The following CERS6 variants were observed in gnomAD, a reference collection of about 807,000 sequenced individuals.
CERS6 encodes the protein LAG1 homolog, ceramide synthase 6.
CERS6 carries 26 observed loss-of-function variants against 56.8 expected under a neutral mutation model. The ratio of observed to expected loss-of-function variants is 0.46; its 90% CI spans 0.34 to 0.63. The LOEUF is 0.63. Among genes scored for constraint, CERS6 ranks in the 30% least tolerant of loss-of-function variants. The probability of loss-of-function intolerance (pLI) is 0.01; values close to 1 mark genes in which losing one functional copy is unlikely to be tolerated. For missense variants in CERS6, 415 were observed against 467.5 expected, an observed-to-expected ratio of 0.89 and a Z score of 1.04; for synonymous variants, 164 against 173.3, an observed-to-expected ratio of 0.95 and a Z score of 0.42.
intron 1 of CERS6, among the ~76,000 whole-genome samples, chr2:168,497,227 AAC>A (rs374253120): frequency 1.2e-3 from 189 of 152,316 alleles, no homozygotes; most frequent in African/African-American, 4.4e-3. Context: ...ATGTGTTAGA[AAC>A]AGTTTTGTCT....
intron 4 of CERS6, among the ~76,000 whole-genome samples, chr2:168,656,950 CT>C (rs1406472428): frequency 2.0e-4 from 30 of 152,136 alleles, no homozygotes; most frequent in Admixed American, 1.9e-3. Context: ...TCTCCAAGGC[CT>C]CACCAGAGCA....
intron 3 of CERS6, among the ~76,000 whole-genome samples, chr2:168,585,573 A>G (rs543560432): frequency 2.0e-5 from 3 of 152,242 alleles, no homozygotes; most frequent in Non-Finnish European, 2.9e-5. Flanking sequence ...CAGGTCATAT[A>G]GGGAAAGGTC....
chr2:168,589,327 G>C (rs1287291811), intron 3 of CERS6, among the ~76,000 whole-genome samples: 1 of 151,990 alleles, frequency 6.6e-6, no homozygotes, highest in Non-Finnish European at 1.5e-5. Context: ...TAAATTATAA[G>C]AGGTAGATAG....
chr2:168,732,429 C>T (rs1052990480), intron 8 of CERS6, among the ~76,000 whole-genome samples: 2 of 152,104 alleles, frequency 1.3e-5, no homozygotes, highest in Non-Finnish European at 2.9e-5. Flanking sequence ...CATAAATGGC[C>T]CTCCCCAGAC....
intron 8 of CERS6, among the ~76,000 whole-genome samples, chr2:168,741,318 T>A (rs1028905632): frequency 6.7e-6 from 1 of 149,036 alleles, no homozygotes; most frequent in Non-Finnish European, 1.5e-5. Context: ...AGTTGCCTCA[T>A]AAATATCCAA....
chr2:168,529,748 CTATT>C (rs1695133592), intron 1 of CERS6, among the ~76,000 whole-genome samples: 1 of 152,164 alleles, frequency 6.6e-6, no homozygotes, highest in South Asian at 2.1e-4. Context: ...ATGATAATAT[CTATT>C]TGCTTATTCC....
rs1684808500 is a variant in CERS6 at position 168,769,450 on chromosome 2, C to T, written c.1003-60C>T. The T allele has an allele frequency of 5.6e-6, 8 of 1,433,730 alleles. 1 individual carries two copies. The South Asian group carries it at 1.0e-4, about 18-fold the overall frequency. 88.8% of individuals were successfully genotyped at this position (1,433,730 alleles called of 1,614,324 possible). A position where few individuals can be genotyped will look rare whatever the true frequency, so the allele number is the denominator to read the frequency against. ...TGTGTATGACTGCATGTGCTTCTAG[C>T]ATGCCATACCTTGATGATTTCTTAG... On this transcript the variant is annotated intron_variant, in intron 9 of 9. Coordinates refer to ENST00000305747, the MANE Select transcript of CERS6 (RefSeq NM_203463.3).
chr2:168,759,308 C>CTGTA (rs1684500572), intron 8 of CERS6, among the ~76,000 whole-genome samples: 1 of 152,124 alleles, frequency 6.6e-6, no homozygotes, highest in Non-Finnish European at 1.5e-5. Flanking sequence ...GGGGTATAAC[C>CTGTA]TGTAGATCAA....
At chr2:168,647,690 A>G (rs980695750) in intron 4 of CERS6, among the ~76,000 whole-genome samples, 1 of 152,162 alleles carries the variant, frequency 6.6e-6, no homozygotes, top group Admixed American at 6.5e-5. Flanking sequence ...TGTTCTTTCA[A>G]TACCTAGTTT....
chr2:168,511,950 G>GCACACACA (rs10568314), intron 1 of CERS6, among the ~76,000 whole-genome samples: 8 of 148,540 alleles, frequency 5.4e-5, no homozygotes, highest in Non-Finnish European at 1.0e-4. Flanking sequence ...GCATGCACGT[G>GCACACACA]CACACACACA....
At chr2:168,578,905 A>G (rs1471117621) in intron 3 of CERS6, among the ~76,000 whole-genome samples, 1 of 152,206 alleles carries the variant, frequency 6.6e-6, no homozygotes, top group East Asian at 1.9e-4. Flanking sequence ...TCTGTTTACA[A>G]GATATGATTT....
chr2:168,725,538 A>G (rs947207304), intron 8 of CERS6, among the ~76,000 whole-genome samples: 2 of 152,288 alleles, frequency 1.3e-5, no homozygotes, highest in Admixed American at 6.5e-5. Flanking sequence ...CACTGTTGAT[A>G]CAATTAACAA....
chr2:168,688,221 T>C (rs1686405058), intron 4 of CERS6, among the ~76,000 whole-genome samples: 1 of 152,180 alleles, frequency 6.6e-6, no homozygotes, highest in African/African-American at 2.4e-5. Flanking sequence ...ATTTCATCTT[T>C]TTAAGTTCTT....
rs929296717 is a variant in CERS6, at chr2:168,577,455, T to C, written c.407+16133T>C. 5.3e-5 allele frequency among the ~76,000 whole-genome samples: 8 copies of C among 152,172 alleles called. 1 individual carries two copies. In the South Asian group the frequency reaches 1.2e-3, roughly 24 times the overall value. ...AAAAGAGAGGTCCAGAAAAAGAGAATAGTCATTAGAGGAGGAATTTGGGGT... is the reference window on the plus strand; with the variant it reads ...AAAAGAGAGGTCCAGAAAAAGAGAACAGTCATTAGAGGAGGAATTTGGGGT... On this transcript the variant is annotated intron_variant, in intron 3 of 9. Coordinates refer to ENST00000305747, the MANE Select transcript of CERS6 (RefSeq NM_203463.3).
intron 1 of CERS6, among the ~76,000 whole-genome samples, chr2:168,471,545 A>G (rs1188487323): frequency 6.6e-6 from 1 of 152,216 alleles, no homozygotes; most frequent in East Asian, 1.9e-4. Flanking sequence ...ATTTGGTTCC[A>G]CAATTTAAAA....
chr2:168,767,245 G>A lies in CERS6; in HGVS notation c.1002+1497G>A, dbSNP rs1284603998. On this transcript the variant is annotated intron_variant, in intron 9 of 9. Transcript: ENST00000305747. ...TTAGCTGCCCTTGCGGCTCTCACCT[G>A]GGATAGTAAGATTCATCTTGACCAT... is the stretch of plus-strand genomic sequence containing the variant. Among the ~76,000 whole-genome samples, 10 of 152,138 alleles carry A rather than the reference G, an allele frequency of 6.6e-5. No individual in the cohort carries two copies. In the East Asian group the frequency reaches 1.9e-3, roughly 29 times the overall value.
intron 4 of CERS6, among the ~76,000 whole-genome samples, chr2:168,658,282 G>T (rs73026540): frequency 2.0e-5 from 3 of 152,130 alleles, no homozygotes; most frequent in Non-Finnish European, 4.4e-5. Context: ...CTCTTTTAGG[G>T]TCCTTGACGA....
At chr2:168,635,490 A>G (rs1684842248) in intron 4 of CERS6, among the ~76,000 whole-genome samples, 1 of 152,168 alleles carries the variant, frequency 6.6e-6, no homozygotes, top group South Asian at 2.1e-4. Flanking sequence ...GCCTTCCTCA[A>G]GTGCTTCTAA....
intron 1 of CERS6, among the ~76,000 whole-genome samples, chr2:168,489,625 C>T (rs573293134): frequency 6.2e-4 from 94 of 152,014 alleles, no homozygotes; most frequent in African/African-American, 2.1e-3. Context: ...TTCAAGTTCA[C>T]TTACTCTTTC....
Sources: allele counts gnomAD v4.1 joint callset (sites outside exome capture counted in the v4.1 genomes callset), GRCh38; gene constraint gnomAD v4.1.1; transcripts MANE v1.5; gene names NCBI Gene and HGNC (gene_info 2026-07-23, HGNC 2026-07-21).